Variants in MOG observed in about 807,000 individuals in gnomAD.
The protein encoded by MOG is myelin oligodendrocyte glycoprotein.
MOG carries 20 observed loss-of-function variants against 35.9 expected under a neutral mutation model. The ratio of observed to expected loss-of-function variants is 0.56; its 90% CI spans 0.39 to 0.81. The LOEUF (loss-of-function observed/expected upper bound fraction) is 0.81, where lower values mean the gene tolerates loss of function less well. Among genes scored for constraint, MOG ranks in the 30% least tolerant of loss-of-function variants. The pLI is 0.00. For synonymous variants in MOG, 92 were observed against 114.3 expected (o/e 0.80, Z 1.25); for missense variants, 251 against 301.0 (o/e 0.83, Z 1.23).
rs1216481267 is a variant in MOG, at chr6:29,662,407, C to T, written c.436+2741C>T. ...ACTGAGGCAGGAGAATCGCTTGAAC[C>T]GGGAGGCAGAGGTTGCGGTGAGCCA... On this transcript the variant is annotated intron_variant, in intron 2 of 7. Transcript: ENST00000376917. This position sits in a 1 kb window ranked among gnomAD's most constrained non-coding sequence, Gnocchi z 4.2. 1.3e-5 allele frequency among the ~76,000 whole-genome samples: 2 copies of T among 151,474 alleles called. No homozygotes were observed. Among genetic ancestry groups the T allele is most frequent in the African/African-American group, 2.4e-5 (1 of 41,212 alleles).
rs753324245 is a variant in MOG, at chr6:29,671,209, TGGA to T, written c.*29_*31del. Reference sequence around the variant, plus strand: ...GAGTGATGTCACATCTTGGCAGGGGTGGAGGAGAGCCTGGTTGCCCAGGGATTT... The same window carrying T: ...GAGTGATGTCACATCTTGGCAGGGGTGGAGAGCCTGGTTGCCCAGGGATTT... On this transcript the variant is annotated 3_prime_UTR_variant, in exon 8 of 8. Transcript: ENST00000376917. 2.5e-6 allele frequency: 4 copies of T among 1,612,836 alleles called. No individual in the cohort carries two copies. The highest frequency in any genetic ancestry group is 1.7e-4 in the Middle Eastern group (1 of 5,886).
chr6:29,657,407 A>G, intron 1 of MOG, 110 bp downstream of exon 1: 1 of 865,336 alleles, frequency 1.2e-6, no homozygotes, highest in Middle Eastern at 2.2e-4. Context: ...ATCTTTCTAA[A>G]ACATAGACCT....
Position 29,671,247 on chromosome 6 carries a change from G to T in MOG, c.*62G>T. On this transcript the variant is annotated 3_prime_UTR_variant, in exon 8 of 8. Transcript: ENST00000376917. ...GGTTGCCCAGGGATTTGTCCTTGGG[G>T]ACATCTCATCCATCAAGTTGCACAC... 2 of 1,612,318 alleles carry T rather than the reference G, an allele frequency of 1.2e-6. No homozygotes were observed. The highest frequency in any genetic ancestry group is 1.7e-5 in the Admixed American group (1 of 60,024).
chr6:29,670,406 G>T lies in MOG; in HGVS notation c.709+9G>T, dbSNP rs762932741. Reference sequence around the variant, plus strand: ...ACATCGAAGACTAGCAGGTGCAGTGGCTGGGCAGCAGGCAAGACCACCAAA... The same window carrying T: ...ACATCGAAGACTAGCAGGTGCAGTGTCTGGGCAGCAGGCAAGACCACCAAA... On this transcript the variant is annotated intron_variant, in intron 6 of 7. Coordinates refer to ENST00000376917, the MANE Select transcript of MOG (RefSeq NM_206809.4). This position sits in a 1 kb window ranked among gnomAD's most constrained non-coding sequence, Gnocchi z 4.2. 1.2e-6 allele frequency: 2 copies of T among 1,613,428 alleles called. No homozygotes were observed. Among genetic ancestry groups the T allele is most frequent in the Non-Finnish European group, 1.7e-6 (2 of 1,179,500 alleles).
intron 2 of MOG, chr6:29,661,877 T>C (rs1168722301): frequency 1.2e-4 from 121 of 981,954 alleles, no homozygotes; most frequent in Non-Finnish European, 1.4e-4. Flanking sequence ...AGACTTTGCC[T>C]CAGGGGAGAA....
Position 29,672,073 on chromosome 6 carries a change from G to A in MOG, c.*888G>A, listed in dbSNP as rs1016379447. 14 of 154,596 alleles carry A rather than the reference G, an allele frequency of 9.1e-5. No homozygotes were observed. Among genetic ancestry groups the A allele is most frequent in the Admixed American group, 7.0e-4 (11 of 15,754 alleles). 9.6% of individuals were successfully genotyped at this position (154,596 alleles called of 1,614,324 possible). A position where few individuals can be genotyped will look rare whatever the true frequency, so the allele number is the denominator to read the frequency against. The stretch of plus-strand genomic sequence containing the variant: ...GGAGGCCGAGGCGGGCGAATCACGA[G>A]GTCAGGAGTTCAAGACCAGCCTGGC... On this transcript the variant is annotated 3_prime_UTR_variant, in exon 8 of 8. Coordinates refer to ENST00000376917, the MANE Select transcript of MOG (RefSeq NM_206809.4).
chr6:29,658,102 C>G (rs1252582906), intron 1 of MOG, among the ~76,000 whole-genome samples: 4 of 152,192 alleles, frequency 2.6e-5, no homozygotes, highest in Non-Finnish European at 4.4e-5. Context: ...ACATGCTTAG[C>G]AGTGCCTGTC....
chr6:29,658,115 T>C, intron 1 of MOG, among the ~76,000 whole-genome samples: 1 of 152,254 alleles, frequency 6.6e-6, no homozygotes, highest in Middle Eastern at 3.2e-3. Context: ...TGCCTGTCCA[T>C]AGTAAATCTC....
Position 29,659,453 on chromosome 6 carries a change from A to G in MOG, c.223A>G (p.Arg75Gly). Residue 75 changes from arginine (R) to glycine (G), a missense_variant, in exon 2 of 8, where the codon AGG becomes GGG. Transcript: ENST00000376917. ...GGGGTGGTACCGCCCCCCCTTCTCT[A>G]GGGTGGTTCATCTCTACAGAAATGG... ...EVGWYRPPFS[R>G]VVHLYRNGKD... 6.2e-7 allele frequency: 1 copy of G among 1,612,998 alleles called. No homozygotes were observed. The highest frequency in any genetic ancestry group is 8.5e-7 in the Non-Finnish European group (1 of 1,180,018).
rs141489581 is a variant in MOG, at chr6:29,666,325, G to C, written c.550+60G>C. 283 of 961,898 alleles carry C rather than the reference G, an allele frequency of 2.9e-4. 3 individuals carry two copies. In the African/African-American group the frequency reaches 4.1e-3, roughly 14 times the overall value. 59.6% of individuals were successfully genotyped at this position (961,898 alleles called of 1,614,324 possible). On this transcript the variant is annotated intron_variant, in intron 3 of 7. Coordinates refer to ENST00000376917, the MANE Select transcript of MOG (RefSeq NM_206809.4). Reference sequence around the variant, plus strand: ...TCTTTAAATGAGCTGGCTTCTTGGAGCTACACCACTTAACATGTATTTGTG... The same window carrying C: ...TCTTTAAATGAGCTGGCTTCTTGGACCTACACCACTTAACATGTATTTGTG...
chr6:29,662,708 G>T lies in MOG; in HGVS notation c.436+3042G>T, dbSNP rs953967373. Among the ~76,000 whole-genome samples the T allele has an allele frequency of 6.6e-6, 1 of 151,940 alleles. No homozygotes were observed. The highest frequency in any genetic ancestry group is 6.6e-5 in the Admixed American group (1 of 15,242). ...GACAGGATCTGTCTCTGTCACCCAG[G>T]CTGGAGTGTAGTGGCATATCTCTGC... On this transcript the variant is annotated intron_variant, in intron 2 of 7. Coordinates refer to ENST00000376917, the MANE Select transcript of MOG (RefSeq NM_206809.4). This position sits in a 1 kb window ranked among gnomAD's most constrained non-coding sequence, Gnocchi z 4.2.
At chr6:29,661,227 A>G (rs1306156806) in intron 2 of MOG, 1 of 286,854 alleles carries the variant, frequency 3.5e-6, no homozygotes, top group Non-Finnish European at 5.2e-6. Flanking sequence ...AACATCAGAC[A>G]ATTGATCACT....
Position 29,659,499 on chromosome 6 carries a change from A to C in MOG, c.269A>C (p.Gln90Pro), listed in dbSNP as rs753149235. 1 of 1,613,132 alleles carries C rather than the reference A, an allele frequency of 6.2e-7. No individual in the cohort carries two copies. The highest frequency in any genetic ancestry group is 2.2e-5 in the East Asian group (1 of 44,888). Residue 90 changes from glutamine (Q) to proline (P), a missense_variant, in exon 2 of 8, where the codon CAG (glutamine) becomes CCG (proline). Physicochemically the swap from Gln to Pro is moderately conservative, Grantham distance 76. Transcript: ENST00000376917. ...YRNGKDQDGD[Q>P]APEYRGRTEL... ...AATGGCAAGGACCAAGATGGAGACC[A>C]GGCACCTGAATATCGGGGCCGGACA...
rs141022577 is a variant in MOG, at chr6:29,659,573, C to T, written c.343C>T (p.Arg115Trp). ...TGAGGGAAAGGTGACTCTCAGGATC[C>T]GGAATGTAAGGTTCTCAGATGAAGG... ...IGEGKVTLRI[R>W]NVRFSDEGGF... is the part of the protein sequence containing the mutation. The change falls in exon 2 of 8, where the codon CGG (arginine) becomes TGG (tryptophan). Residue 115 changes from arginine to tryptophan, a missense_variant. Coordinates refer to ENST00000376917, the MANE Select transcript of MOG (RefSeq NM_206809.4). 344 of 1,613,030 alleles carry T rather than the reference C, an allele frequency of 2.1e-4. 2 individuals are homozygous for T. The highest frequency in any genetic ancestry group is 1.5e-3 in the Middle Eastern group (9 of 6,062).
In MOG at chr6:29,662,019, AT is replaced by A; in HGVS notation, c.436+2356del. 1.0e-6 allele frequency: 1 copy of A among 985,376 alleles called. No homozygotes were observed. The highest frequency in any genetic ancestry group is 1.7e-5 in the African/African-American group (1 of 57,342). 61.0% of individuals were successfully genotyped at this position (985,376 alleles called of 1,614,324 possible). Reference sequence around the variant, plus strand: ...CTTTGGAGCCAGGAAGTTGAGACAAATTTAGGAATGAGATGAAGTAATGGTA... The same window carrying A: ...CTTTGGAGCCAGGAAGTTGAGACAAATTAGGAATGAGATGAAGTAATGGTA... On this transcript the variant is annotated intron_variant, in intron 2 of 7. Coordinates refer to ENST00000376917, the MANE Select transcript of MOG (RefSeq NM_206809.4). This position sits in a 1 kb window ranked among gnomAD's most constrained non-coding sequence, Gnocchi z 4.2.
intron 4 of MOG, 64 bp from the exon 5 acceptor site, chr6:29,667,840 A>G: frequency 1.9e-6 from 3 of 1,591,660 alleles, no homozygotes; most frequent in Non-Finnish European, 2.6e-6. Context: ...AATAACAAAG[A>G]CTCAGGATAA....
intron 2 of MOG, among the ~76,000 whole-genome samples, chr6:29,660,525 G>A (rs2535261): frequency 0.17 from 20,652 of 123,224 alleles, 2,048 homozygotes; most frequent in African/African-American, 0.27. Flanking sequence ...GCGAGACTCC[G>A]TCTCAAAAAA....
chr6:29,665,968 A>G (rs1770127588), intron 2 of MOG, among the ~76,000 whole-genome samples, 184 bp from the exon 3 acceptor site: 1 of 150,206 alleles, frequency 6.7e-6, no homozygotes, highest in South Asian at 2.1e-4. Context: ...AATCACTAGC[A>G]TTTCCTGGAA....
chr6:29,657,192 T>C lies in MOG; in HGVS notation c.-18T>C. 1 of 1,586,896 alleles carries C rather than the reference T, an allele frequency of 6.3e-7. No homozygotes were observed. The stretch of plus-strand genomic sequence containing the variant: ...CTGACCTTGCTGCGGGGGCTCTCTG[T>C]CCCCAGGAACAGTAGAGATGGCAAG... On this transcript the variant is annotated 5_prime_UTR_variant, in exon 1 of 8. Transcript: ENST00000376917.
Sources: allele counts gnomAD v4.1 joint callset (sites outside exome capture counted in the v4.1 genomes callset), GRCh38; gene constraint gnomAD v4.1.1; non-coding constraint Gnocchi (gnomAD v3.1); transcripts MANE v1.5; gene names NCBI Gene and HGNC (gene_info 2026-07-23, HGNC 2026-07-21).